The following CRB1 variants were observed in gnomAD, a reference collection of about 807,000 sequenced individuals.
The protein encoded by CRB1 is protein crumbs homolog 1.
In CRB1, 83 loss-of-function variants were observed where a neutral mutation model predicts 120.0. The observed-to-expected ratio is 0.69, with a 90% CI of 0.58 to 0.83. The LOEUF (loss-of-function observed/expected upper bound fraction) is 0.83. CRB1 is among the 40% of genes least tolerant of loss of function. The probability of loss-of-function intolerance (pLI) is 0.00; values close to 1 mark genes in which losing one functional copy is unlikely to be tolerated. For missense variants in CRB1, 1,699 were observed against 1,687.6 expected (o/e 1.01, Z -0.12); for synonymous variants, 625 against 612.5 (o/e 1.02, Z -0.30).
At chr1:197,255,965 T>TTATATATATATATATATATATATATA in the CRB1 span, among the ~76,000 whole-genome samples, 4 of 85,336 alleles carry the variant, frequency 4.7e-5, no homozygotes, top group Non-Finnish European at 7.6e-5. Flanking sequence ...ATAGAACATT[T>TTATATATATATATATATATATATATA]TATATATATA....
intron 4 of CRB1, among the ~76,000 whole-genome samples, chr1:197,355,170 A>G (rs1660395532): frequency 1.3e-5 from 2 of 151,572 alleles, no homozygotes; most frequent in South Asian, 4.2e-4. Flanking sequence ...ACAATCCCTT[A>G]GCTAGACATA....
chr1:197,428,829 C>G, intron 7 of CRB1: 1 of 753,262 alleles, frequency 1.3e-6, no homozygotes, highest in African/African-American at 1.7e-5. Context: ...GGTTATGTAA[C>G]TAGCCTAAAT....
chr1:197,244,472 A>G, the CRB1 span, among the ~76,000 whole-genome samples: 1 of 152,066 alleles, frequency 6.6e-6, no homozygotes, highest in Non-Finnish European at 1.5e-5. Flanking sequence ...TCTGAACTTG[A>G]AAAGTGTTTT....
chr1:197,434,609 A>C (rs745674221), intron 8 of CRB1, 97 bp from the exon 9 acceptor site: 5 of 1,093,512 alleles, frequency 4.6e-6, no homozygotes, highest in Non-Finnish European at 6.9e-6. Flanking sequence ...GTCAATATGC[A>C]ATGTTATTAA....
chr1:197,307,331 A>G (rs1175858564), intron 1 of CRB1, among the ~76,000 whole-genome samples: 1 of 152,230 alleles, frequency 6.6e-6, no homozygotes, highest in Admixed American at 6.5e-5. Context: ...GCTGTTTTAC[A>G]GCTTGTTTGG....
chr1:197,242,640 TTTG>T, the CRB1 span, among the ~76,000 whole-genome samples: 1 of 152,108 alleles, frequency 6.6e-6, no homozygotes, highest in African/African-American at 2.4e-5. Flanking sequence ...GAAATTTTCT[TTTG>T]TTGTGTCTCT....
intron 7 of CRB1, chr1:197,429,071 C>T: frequency 1.3e-6 from 2 of 1,499,046 alleles, no homozygotes; most frequent in Non-Finnish European, 1.8e-6. Context: ...TCTTGGGCAA[C>T]TGGAAACACC....
intron 5 of CRB1, among the ~76,000 whole-genome samples, chr1:197,365,584 C>T (rs1485666990): frequency 1.3e-5 from 2 of 149,716 alleles, no homozygotes; most frequent in Non-Finnish European, 3.0e-5. Context: ...TTTTTTTCTC[C>T]TTCTCCTTCT....
intron 11 of CRB1, among the ~76,000 whole-genome samples, chr1:197,446,921 G>A (rs764965181): frequency 6.6e-6 from 1 of 152,042 alleles, no homozygotes. Flanking sequence ...AGTTCAAGAG[G>A]CATATCAGGG....
At chr1:197,308,248 A>C (rs565077784) in intron 1 of CRB1, among the ~76,000 whole-genome samples, 1 of 152,322 alleles carries the variant, frequency 6.6e-6, no homozygotes, top group Admixed American at 6.5e-5. Flanking sequence ...ACACATGGAC[A>C]TAAATATGGG....
Position 197,472,138 on chromosome 1 carries a change from G to A in CRB1, c.4006-5526G>A, listed in dbSNP as rs548646525. Among the ~76,000 whole-genome samples, 7 of 152,282 alleles carry A rather than the reference G, an allele frequency of 4.6e-5. No individual in the cohort carries two copies. In the South Asian group the frequency reaches 1.5e-3, roughly 32 times the overall value. ...CTAAATACACACACAGACACAACTA[G>A]TTTCAGAAACGCACATATTGAAGCT... On this transcript the variant is annotated intron_variant, in intron 11 of 11. Transcript: ENST00000367400.
chr1:197,327,762 AG>A (rs1658602358), intron 1 of CRB1, among the ~76,000 whole-genome samples: 1 of 152,144 alleles, frequency 6.6e-6, no homozygotes, highest in Non-Finnish European at 1.5e-5. Flanking sequence ...AGCTCCTTGG[AG>A]GTGTCTCTAG....
chr1:197,318,352 TGGTGA>T (rs1657978416), intron 1 of CRB1, among the ~76,000 whole-genome samples: 1 of 152,176 alleles, frequency 6.6e-6, no homozygotes, highest in Admixed American at 6.5e-5. Context: ...TAACAAGTGT[TGGTGA>T]GGATGTGGAG....
rs142639604 is a variant in CRB1 at position 197,314,722 on chromosome 1, T to C, written c.71-13700T>C. On this transcript the variant is annotated intron_variant, in intron 1 of 11. Transcript: ENST00000367400. ...GTATGGCATCTTTCTTTCTGTATAA[T>C]GTGGTCTCTACTCCTAAAGAAAGGC... Among the ~76,000 whole-genome samples, 594 of 152,330 alleles carry C rather than the reference T, an allele frequency of 3.9e-3. 7 individuals carry two copies. Among genetic ancestry groups the C allele is most frequent in the African/African-American group, 0.014 (574 of 41,584 alleles).
At chr1:197,223,045 T>A in the CRB1 span, 1 of 788,468 alleles carries the variant, frequency 1.3e-6, no homozygotes. Flanking sequence ...AGACAAGGAC[T>A]ATCTTTGAGG....
In CRB1 at chr1:197,378,023, G is replaced by A. The variant is rs532767713; in HGVS notation, c.1171+21010G>A. On this transcript the variant is annotated intron_variant, in intron 5 of 11. Transcript: ENST00000367400. Reference sequence around the variant, plus strand: ...GTAATTTTGTCAGTTAGATGTTTCCGTAGAGCTGCCCTTGCTGAGTTAGTG... The same window carrying A: ...GTAATTTTGTCAGTTAGATGTTTCCATAGAGCTGCCCTTGCTGAGTTAGTG... Among the ~76,000 whole-genome samples the A allele has an allele frequency of 8.5e-5, 13 of 152,286 alleles. 1 individual carries two copies. The South Asian group carries it at 1.4e-3, about 17-fold the overall frequency.
intron 5 of CRB1, among the ~76,000 whole-genome samples, chr1:197,376,191 C>T (rs994623036): frequency 6.6e-6 from 1 of 152,050 alleles, no homozygotes; most frequent in Non-Finnish European, 1.5e-5. Flanking sequence ...TTTTTCACCC[C>T]TTGGAAAATC....
chr1:197,397,625 C>A (rs1392519378), intron 5 of CRB1, among the ~76,000 whole-genome samples: 1 of 152,110 alleles, frequency 6.6e-6, no homozygotes, highest in Non-Finnish European at 1.5e-5. Context: ...TGCTACTCAG[C>A]AATAAAAAGA....
At chr1:197,397,513 A>G (rs1287187560) in intron 5 of CRB1, among the ~76,000 whole-genome samples, 1 of 152,182 alleles carries the variant, frequency 6.6e-6, no homozygotes, top group African/African-American at 2.4e-5. Flanking sequence ...CCTGTACACA[A>G]ATGATTATTT....
Sources: allele counts gnomAD v4.1 joint callset (sites outside exome capture counted in the v4.1 genomes callset), GRCh38; gene constraint gnomAD v4.1.1; transcripts MANE v1.5; gene names NCBI Gene and HGNC (gene_info 2026-07-23, HGNC 2026-07-21).